Variants in EXOC6 observed in about 807,000 individuals in gnomAD.
EXOC6 encodes exocyst complex component 6.
A neutral mutation model predicts 112.5 loss-of-function variants in EXOC6; 60 were observed. That is an observed-to-expected ratio of 0.53 (90% CI 0.43 to 0.66). The LOEUF is 0.66. Ranked by LOEUF, EXOC6 falls within the 30% of genes least tolerant of loss-of-function variation. The pLI is 0.00. For missense variants in EXOC6, 855 were observed against 957.1 expected, an observed-to-expected ratio of 0.89 and a Z score of 1.41; for synonymous variants, 295 against 308.0, an observed-to-expected ratio of 0.96 and a Z score of 0.44.
rs142434439 is a variant in EXOC6 at position 93,007,982 on chromosome 10, T to C, written c.2096-6212T>C. On this transcript the variant is annotated intron_variant, in intron 19 of 21. Coordinates refer to ENST00000260762, the MANE Select transcript of EXOC6 (RefSeq NM_019053.6). Reference sequence around the variant, plus strand: ...TGAGGTCAGGAGTTTGAGACTAGCCTGGGCAGCATGGTGAAACCCCTTCTC... The same window carrying C: ...TGAGGTCAGGAGTTTGAGACTAGCCCGGGCAGCATGGTGAAACCCCTTCTC... 2.2e-3 allele frequency among the ~76,000 whole-genome samples: 328 copies of C among 152,288 alleles called. 2 individuals are homozygous for C. Among genetic ancestry groups the C allele is most frequent in the African/African-American group, 7.3e-3 (304 of 41,564 alleles).
At chr10:92,863,651 G>A (rs1013939209) in intron 1 of EXOC6, among the ~76,000 whole-genome samples, 2 of 152,020 alleles carry the variant, frequency 1.3e-5, no homozygotes, top group Non-Finnish European at 2.9e-5. Flanking sequence ...GGTGGCTCAC[G>A]CCTGTAATCC....
chr10:92,904,118 G>T (rs1290912715), intron 5 of EXOC6, among the ~76,000 whole-genome samples: 1 of 151,990 alleles, frequency 6.6e-6, no homozygotes, highest in Non-Finnish European at 1.5e-5. Context: ...GTTCCTCTGT[G>T]TCCTTTTGTG....
In EXOC6 at chr10:92,955,635, A is replaced by G. The variant is rs1853650820; in HGVS notation, c.1694A>G (p.Glu565Gly). Residue 565 changes from glutamate to glycine, a missense_variant, in exon 17 of 22, where the codon GAG becomes GGG. Around this residue, in one of 2 missense-constraint regions of EXOC6, gnomAD observed 450 missense variants for 563.5 expected, o/e 0.80. Transcript: ENST00000260762. ...CTGGAGCAAGCTTGTAAATATCTTG[A>G]GGACTTTATAACTAACATTACAAAT... ...THLEQACKYL[E>G]DFITNITNIS... 2 of 1,611,282 alleles carry G rather than the reference A, an allele frequency of 1.2e-6. No homozygotes were observed. The highest frequency in any genetic ancestry group is 1.7e-6 in the Non-Finnish European group (2 of 1,178,080).
chr10:92,903,626 CT>C lies in EXOC6; in HGVS notation c.458+3991del, dbSNP rs535880567. Reference sequence around the variant, plus strand: ...GTGAAGTGTCTGTTCACATCTTTTGCTTTTTTTTTATTTAATAGATTTTATT... The same window carrying C: ...GTGAAGTGTCTGTTCACATCTTTTGCTTTTTTTTATTTAATAGATTTTATT... On this transcript the variant is annotated intron_variant, in intron 5 of 21. Transcript: ENST00000260762. 3.5e-3 allele frequency among the ~76,000 whole-genome samples: 522 copies of C among 150,528 alleles called. 3 individuals carry two copies. The highest frequency in any genetic ancestry group is 0.012 in the African/African-American group (479 of 40,930).
chr10:92,832,781 G>A (rs1304779188), upstream of EXOC6, among the ~76,000 whole-genome samples: 1 of 150,812 alleles, frequency 6.6e-6, no homozygotes, highest in Non-Finnish European at 1.5e-5. Context: ...TTGGGCCTCA[G>A]CTTCCCAAGT....
At chr10:93,011,001 TA>T (rs1325525523) in intron 19 of EXOC6, among the ~76,000 whole-genome samples, 1 of 152,208 alleles carries the variant, frequency 6.6e-6, no homozygotes, top group Admixed American at 6.5e-5. Context: ...ATTTTAAGAT[TA>T]TTTTTAATGT....
chr10:92,934,268 G>A lies in EXOC6; in HGVS notation c.1020-42G>A, dbSNP rs377685292. The A allele has an allele frequency of 1.3e-4, 154 of 1,175,822 alleles. 1 individual carries two copies. In the South Asian group the frequency reaches 2.2e-3, roughly 17 times the overall value. The allele number at this position is 1,175,822 out of a possible 1,614,324, so 72.8% of individuals were successfully genotyped here. On this transcript the variant is annotated intron_variant, in intron 10 of 21. Coordinates refer to ENST00000260762, the MANE Select transcript of EXOC6 (RefSeq NM_019053.6). Reference sequence around the variant, plus strand: ...CCAGAAATACTTACTTTCTATTAGGGTTTTTTTTTTTAACACATGCTTTGG... The same window carrying A: ...CCAGAAATACTTACTTTCTATTAGGATTTTTTTTTTTAACACATGCTTTGG...
At chr10:92,979,395 T>C (rs755586837) in intron 18 of EXOC6, among the ~76,000 whole-genome samples, 7 of 152,218 alleles carry the variant, frequency 4.6e-5, no homozygotes, top group African/African-American at 9.6e-5. Flanking sequence ...TAGTGAAAAG[T>C]TCCATTTGTT....
intron 1 of EXOC6, among the ~76,000 whole-genome samples, chr10:92,839,955 TATG>T (rs1383412123): frequency 6.6e-6 from 1 of 152,200 alleles, no homozygotes; most frequent in Non-Finnish European, 1.5e-5. Context: ...GTAATTGTTT[TATG>T]ATAACATAAT....
intron 1 of EXOC6, among the ~76,000 whole-genome samples, chr10:92,862,303 C>A (rs1847946671): frequency 6.6e-6 from 1 of 151,042 alleles, no homozygotes; most frequent in Non-Finnish European, 1.5e-5. Context: ...TAGCATGAAT[C>A]AATACTTGTT....
At chr10:92,932,984 A>G (rs975286486) in intron 9 of EXOC6, among the ~76,000 whole-genome samples, 6 of 152,186 alleles carry the variant, frequency 3.9e-5, no homozygotes, top group Non-Finnish European at 7.4e-5. Context: ...CTAGCTTTAG[A>G]GTTTGGTTAC....
At chr10:92,840,255 G>A (rs1469362135) in intron 1 of EXOC6, among the ~76,000 whole-genome samples, 2 of 151,998 alleles carry the variant, frequency 1.3e-5, no homozygotes, top group African/African-American at 2.4e-5. Flanking sequence ...ATAAATGTAA[G>A]ATTTGTATTA....
chr10:92,870,774 T>C (rs1242444353), intron 1 of EXOC6, among the ~76,000 whole-genome samples: 1 of 151,882 alleles, frequency 6.6e-6, no homozygotes, highest in Non-Finnish European at 1.5e-5. Context: ...AGTGATGCGA[T>C]CTTGGCTCAC....
At position 93,057,000 on chromosome 10, in the gene EXOC6, G is replaced by A. The variant is rs1289343647; in HGVS notation, c.2246G>A (p.Arg749Gln). ...DYGQPASKYL[R>Q]VNPNTALTLL... ...GGGCAGCCAGCTTCTAAGTACCTTCGGGTGAATCCAAACACAGCCCTTACT... is the reference window on the plus strand; with the variant it reads ...GGGCAGCCAGCTTCTAAGTACCTTCAGGTGAATCCAAACACAGCCCTTACT... Residue 749 changes from arginine (R) to glutamine (Q), a missense_variant, in exon 21 of 22, where the codon CGG (arginine) becomes CAG (glutamine). Physicochemically the swap from Arg to Gln is conservative, Grantham distance 43. Around this residue, in one of 2 missense-constraint regions of EXOC6, gnomAD observed 450 missense variants for 563.5 expected, o/e 0.80. Coordinates refer to ENST00000260762, the MANE Select transcript of EXOC6 (RefSeq NM_019053.6). 1.3e-6 allele frequency: 2 copies of A among 1,593,734 alleles called. No homozygotes were observed. Among genetic ancestry groups the A allele is most frequent in the South Asian group, 1.2e-5 (1 of 85,724 alleles).
intron 1 of EXOC6, among the ~76,000 whole-genome samples, chr10:92,886,049 TGAAA>T (rs1465893403): frequency 3.9e-5 from 6 of 152,258 alleles, no homozygotes; most frequent in Admixed American, 6.5e-5. Context: ...TTTGGGAGAC[TGAAA>T]GAACGAAAAA....
chr10:92,836,743 T>C (rs1315040838), intron 1 of EXOC6, among the ~76,000 whole-genome samples: 1 of 152,188 alleles, frequency 6.6e-6, no homozygotes, highest in Non-Finnish European at 1.5e-5. Context: ...TCCATACATA[T>C]GTACGTGTGT....
intron 6 of EXOC6, among the ~76,000 whole-genome samples, chr10:92,915,128 GTT>G (rs1258224144): frequency 5.9e-5 from 9 of 152,188 alleles, no homozygotes; most frequent in African/African-American, 2.2e-4. Context: ...CTTCTGTGAG[GTT>G]AATGGCTAAT....
At chr10:92,836,102 C>G (rs1846649749) in intron 1 of EXOC6, among the ~76,000 whole-genome samples, 2 of 152,170 alleles carry the variant, frequency 1.3e-5, no homozygotes, top group African/African-American at 4.8e-5. Context: ...TAAGTGGAAA[C>G]AAGAGAAAGG....
At chr10:92,903,711 A>G (rs941327717) in intron 5 of EXOC6, among the ~76,000 whole-genome samples, 3 of 151,888 alleles carry the variant, frequency 2.0e-5, no homozygotes, top group African/African-American at 4.8e-5. Flanking sequence ...GTTCCCATAT[A>G]CTTTTCCTCT....
Sources: allele counts gnomAD v4.1 joint callset (sites outside exome capture counted in the v4.1 genomes callset), GRCh38; gene constraint gnomAD v4.1.1; regional missense constraint gnomAD v4.1.1; transcripts MANE v1.5; gene names NCBI Gene and HGNC (gene_info 2026-07-23, HGNC 2026-07-21).